Variants in UBASH3B observed in about 807,000 individuals in gnomAD.
UBASH3B encodes ubiquitin associated and SH3 domain containing B, also known as ubiquitin-associated and SH3 domain-containing protein B.
A neutral mutation model predicts 83.4 loss-of-function variants in UBASH3B; 37 were observed. The ratio of observed to expected loss-of-function variants is 0.44; its 90% CI spans 0.34 to 0.58. The LOEUF (loss-of-function observed/expected upper bound fraction) is 0.58, where lower values mean the gene tolerates loss of function less well. UBASH3B is among the 20% of genes least tolerant of loss of function. UBASH3B has a pLI of 0.01. For missense variants in UBASH3B, 657 were observed against 827.2 expected (o/e 0.79, Z 2.52); for synonymous variants, 304 against 318.3 (o/e 0.96, Z 0.48).
chr11:122,680,752 C>T (rs1565526862), intron 1 of UBASH3B, among the ~76,000 whole-genome samples: 1 of 152,234 alleles, frequency 6.6e-6, no homozygotes, highest in Non-Finnish European at 1.5e-5. Context: ...CGTGAGCCAC[C>T]GTGCCTGTCT....
chr11:122,786,385 A>G (rs1860953320), intron 5 of UBASH3B, among the ~76,000 whole-genome samples: 1 of 147,630 alleles, frequency 6.8e-6, no homozygotes, highest in Non-Finnish European at 1.5e-5. Flanking sequence ...GGCCAGGCAC[A>G]GTGGCTCACG....
intron 1 of UBASH3B, among the ~76,000 whole-genome samples, chr11:122,691,752 TCTG>T (rs1318075532): frequency 6.6e-6 from 1 of 152,170 alleles, no homozygotes; most frequent in Admixed American, 6.5e-5. Flanking sequence ...TGCCTGGCCT[TCTG>T]CTGGGTAGAT....
intron 7 of UBASH3B, among the ~76,000 whole-genome samples, chr11:122,795,551 C>T (rs886868953): frequency 6.6e-6 from 1 of 152,194 alleles, no homozygotes; most frequent in Admixed American, 6.5e-5. Context: ...TTTGGACAAG[C>T]CTTTGACTAG....
At chr11:122,688,452 G>T (rs10892884) in intron 1 of UBASH3B, among the ~76,000 whole-genome samples, 108,433 of 136,574 alleles carry the variant, frequency 0.79, 42,113 homozygotes, top group East Asian at 0.95. Flanking sequence ...TGGTTTGTTT[G>T]TTTTTTTTTT....
intron 1 of UBASH3B, among the ~76,000 whole-genome samples, chr11:122,670,148 A>AGT (rs374128078): frequency 6.6e-6 from 1 of 151,594 alleles, no homozygotes; most frequent in Admixed American, 6.6e-5. Flanking sequence ...TTTCTGGAAT[A>AGT]GTGTGTGTGT....
chr11:122,779,523 G>A lies in UBASH3B; in HGVS notation c.429G>A (p.Leu143=). 6.2e-7 allele frequency: 1 copy of A among 1,614,052 alleles called. No individual in the cohort carries two copies. Among genetic ancestry groups the A allele is most frequent in the African/African-American group, 1.3e-5 (1 of 75,054 alleles). Residue 143 remains leucine, a synonymous_variant, in exon 4 of 14, where the codon CTG becomes CTA. Coordinates refer to ENST00000284273, the MANE Select transcript of UBASH3B (RefSeq NM_032873.5). ...GCGAGGACAGCAAGGTGGATGCCCTGGGGGAAGCCCTGCAGACCACGGTCA... is the reference window on the plus strand; with the variant it reads ...GCGAGGACAGCAAGGTGGATGCCCTAGGGGAAGCCCTGCAGACCACGGTCA... ...FMCEDSKVDA[L]GEALQTTVSR...
At chr11:122,733,496 A>G (rs1471792950) in intron 1 of UBASH3B, among the ~76,000 whole-genome samples, 1 of 152,234 alleles carries the variant, frequency 6.6e-6, no homozygotes, top group African/African-American at 2.4e-5. Flanking sequence ...GCGCCAAAGC[A>G]TGGCCCAGAT....
intron 1 of UBASH3B, among the ~76,000 whole-genome samples, chr11:122,703,064 G>T (rs79808504): frequency 6.6e-6 from 1 of 151,890 alleles, no homozygotes; most frequent in African/African-American, 2.4e-5. Flanking sequence ...CCCAAGCCTC[G>T]CCCACAGCAG....
chr11:122,763,568 T>TA lies in UBASH3B; in HGVS notation c.162-12644dup, dbSNP rs1454289457. Among the ~76,000 whole-genome samples, 13 of 152,238 alleles carry TA rather than the reference T, an allele frequency of 8.5e-5. No homozygotes were observed. In the Middle Eastern group the frequency reaches 0.01, roughly 119 times the overall value. On this transcript the variant is annotated intron_variant, in intron 1 of 13. Transcript: ENST00000284273. ...TTTTCCCTTTCTCTGATTAGCTTTA[T>TA]AAAAAAACCCAGAGCCTTTTTCTCC...
chr11:122,798,274 T>C (rs1591328902), intron 9 of UBASH3B, among the ~76,000 whole-genome samples: 1 of 152,208 alleles, frequency 6.6e-6, no homozygotes, highest in East Asian at 1.9e-4. Context: ...AGATTTTGGT[T>C]AGCACAGAAT....
At chr11:122,697,837 G>T (rs570308857) in intron 1 of UBASH3B, among the ~76,000 whole-genome samples, 3 of 152,278 alleles carry the variant, frequency 2.0e-5, no homozygotes, top group South Asian at 2.1e-4. Context: ...CAGCTGCTGT[G>T]CTGGGAGCTT....
chr11:122,755,658 G>A (rs1422262433), intron 1 of UBASH3B, among the ~76,000 whole-genome samples: 1 of 152,154 alleles, frequency 6.6e-6, no homozygotes, highest in Non-Finnish European at 1.5e-5. Flanking sequence ...TCAGTAAGGA[G>A]GAAGCAAGGC....
At chr11:122,746,001 G>A (rs943192477) in intron 1 of UBASH3B, among the ~76,000 whole-genome samples, 4 of 152,206 alleles carry the variant, frequency 2.6e-5, no homozygotes, top group African/African-American at 9.6e-5. Flanking sequence ...AGTTCCCAGA[G>A]CCTGGCACGG....
intron 1 of UBASH3B, among the ~76,000 whole-genome samples, chr11:122,754,813 C>A (rs771692993): frequency 6.6e-6 from 1 of 152,162 alleles, no homozygotes; most frequent in Non-Finnish European, 1.5e-5. Flanking sequence ...TTGAGATCCA[C>A]GTAAGCCCCT....
intron 1 of UBASH3B, among the ~76,000 whole-genome samples, chr11:122,771,900 C>T (rs553400142): frequency 1.3e-5 from 2 of 152,250 alleles, no homozygotes; most frequent in Non-Finnish European, 2.9e-5. Flanking sequence ...TCAGTTGGGG[C>T]ACTGCCACTC....
intron 1 of UBASH3B, among the ~76,000 whole-genome samples, chr11:122,694,693 G>A (rs1863939446): frequency 6.6e-6 from 1 of 152,152 alleles, no homozygotes; most frequent in African/African-American, 2.4e-5. Context: ...TGCTGTTATT[G>A]ATAATCGGAA....
chr11:122,718,700 G>C (rs1309902643), intron 1 of UBASH3B, among the ~76,000 whole-genome samples: 1 of 152,172 alleles, frequency 6.6e-6, no homozygotes, highest in Non-Finnish European at 1.5e-5. Context: ...AGGGATATTA[G>C]AGGGTCAGAA....
At chr11:122,794,366 C>G (rs1030147273) in intron 6 of UBASH3B, among the ~76,000 whole-genome samples, 1 of 152,112 alleles carries the variant, frequency 6.6e-6, no homozygotes, top group Non-Finnish European at 1.5e-5. Context: ...CAACCACGCC[C>G]AGCTGATTTT....
chr11:122,701,237 C>T (rs535415216), intron 1 of UBASH3B, among the ~76,000 whole-genome samples: 3 of 152,086 alleles, frequency 2.0e-5, no homozygotes, highest in East Asian at 1.9e-4. Flanking sequence ...TTTTGGATTA[C>T]AAAGAAACAA....
Sources: allele counts gnomAD v4.1 joint callset (sites outside exome capture counted in the v4.1 genomes callset), GRCh38; gene constraint gnomAD v4.1.1; transcripts MANE v1.5; gene names NCBI Gene and HGNC (gene_info 2026-07-23, HGNC 2026-07-21).